The following PCDHA9 variants were observed in gnomAD, a reference collection of about 807,000 sequenced individuals.
The protein encoded by PCDHA9 is protocadherin alpha 9, also known as protocadherin alpha-9.
In PCDHA9, 62 loss-of-function variants were observed where a neutral mutation model predicts 62.0. The observed-to-expected ratio is 1.00, with a 90% CI of 0.81 to 1.23. The LOEUF (loss-of-function observed/expected upper bound fraction) is 1.23. Ranked by LOEUF, PCDHA9 falls within the 50% of genes most tolerant of loss-of-function variation. The pLI, the probability that PCDHA9 is intolerant of heterozygous loss-of-function variation, is 0.00. For synonymous variants in PCDHA9, 557 were observed against 567.6 expected, an observed-to-expected ratio of 0.98 and a Z score of 0.27; for missense variants, 1,205 against 1,249.8, an observed-to-expected ratio of 0.96 and a Z score of 0.54.
intron 1 of PCDHA9, chr5:140,882,906 C>G: frequency 6.2e-7 from 1 of 1,614,200 alleles, no homozygotes; most frequent in Non-Finnish European, 8.5e-7. Context: ...TTATTACTGA[C>G]AGCCAGTGAT....
chr5:140,885,041 T>C (rs2060440056), intron 1 of PCDHA9, among the ~76,000 whole-genome samples: 1 of 152,250 alleles, frequency 6.6e-6, no homozygotes, highest in Non-Finnish European at 1.5e-5. Flanking sequence ...ATTTTTAGTT[T>C]AATGTATACA....
At chr5:140,857,263 A>C (rs367883816) in intron 1 of PCDHA9, 1 of 1,598,420 alleles carries the variant, frequency 6.3e-7, no homozygotes, top group East Asian at 2.2e-5. Context: ...ATTACTACTC[A>C]TTGGTGCTGG....
At chr5:140,856,902 C>A in intron 1 of PCDHA9, 1 of 1,596,268 alleles carries the variant, frequency 6.3e-7, no homozygotes, top group Non-Finnish European at 8.6e-7. Flanking sequence ...TCTTTGGTCC[C>A]ACCCACGATA....
intron 1 of PCDHA9, among the ~76,000 whole-genome samples, chr5:140,925,907 C>T (rs937426015): frequency 6.6e-6 from 1 of 151,848 alleles, no homozygotes; most frequent in African/African-American, 2.4e-5. Flanking sequence ...TCGTCAAGGG[C>T]CGTTTGCAAA....
chr5:140,981,264 C>T (rs2096925155), intron 2 of PCDHA9, among the ~76,000 whole-genome samples: 1 of 152,128 alleles, frequency 6.6e-6, no homozygotes, highest in Non-Finnish European at 1.5e-5. Flanking sequence ...TCAAGATAAG[C>T]AAATGTCTAG....
At chr5:140,955,469 T>C (rs1324804121) in intron 1 of PCDHA9, among the ~76,000 whole-genome samples, 11 of 152,208 alleles carry the variant, frequency 7.2e-5, no homozygotes, top group Middle Eastern at 3.4e-3. Flanking sequence ...CCTTTTTGCT[T>C]GGCACCTCTC....
chr5:140,852,752 C>T (rs2042460960), intron 1 of PCDHA9: 1 of 983,598 alleles, frequency 1.0e-6, no homozygotes, highest in Non-Finnish European at 1.2e-6. Context: ...TAAACTTGGA[C>T]CCAGGTATCT....
rs146090059 is a variant in PCDHA9 at position 140,857,944 on chromosome 5, G to A, written c.2394+7055G>A. 6.4e-5 allele frequency: 102 copies of A among 1,597,474 alleles called. 12 individuals are homozygous for A. The highest frequency in any genetic ancestry group is 5.1e-4 in the Admixed American group (30 of 59,248). ...GGCTGTACACGGGCGAGATCAGTAC[G>A]ACGCGCGCTCTGGATGAGACTGACT... On this transcript the variant is annotated intron_variant, in intron 1 of 3. Coordinates refer to ENST00000532602, the MANE Select transcript of PCDHA9 (RefSeq NM_031857.2).
In PCDHA9 at chr5:140,995,657, A is replaced by C. The variant is rs188298109; in HGVS notation, c.2542+13094A>C. Among the ~76,000 whole-genome samples, 56 of 152,328 alleles carry C rather than the reference A, an allele frequency of 3.7e-4. No homozygotes were observed. The East Asian group carries it at 7.7e-3, about 21-fold the overall frequency. Reference sequence around the variant, plus strand: ...AGTGTTTAGAAAAGGAGAATCGAAAAGGGAAGTAAATGCAGCATTTTTTTT... The same window carrying C: ...AGTGTTTAGAAAAGGAGAATCGAAACGGGAAGTAAATGCAGCATTTTTTTT... On this transcript the variant is annotated intron_variant, in intron 3 of 3. Coordinates refer to ENST00000532602, the MANE Select transcript of PCDHA9 (RefSeq NM_031857.2).
intron 1 of PCDHA9, chr5:140,867,406 C>G (rs1394985393): frequency 6.6e-6 from 1 of 151,958 alleles, no homozygotes; most frequent in East Asian, 1.9e-4. Context: ...GATATGTCTC[C>G]TTTAATTTTT....
intron 1 of PCDHA9, chr5:140,882,780 G>T: frequency 1.2e-6 from 2 of 1,614,160 alleles, no homozygotes; most frequent in Non-Finnish European, 1.7e-6. Context: ...TTGACCTACC[G>T]ACTGGATCCC....
chr5:140,853,510 A>T, intron 1 of PCDHA9: 1 of 977,306 alleles, frequency 1.0e-6, no homozygotes, highest in Non-Finnish European at 1.2e-6. Context: ...TGAAACAATA[A>T]TGAAGCTCCT....
intron 1 of PCDHA9, among the ~76,000 whole-genome samples, chr5:140,958,935 G>A (rs1439446773): frequency 9.3e-6 from 1 of 107,572 alleles, no homozygotes; most frequent in African/African-American, 4.3e-5. Flanking sequence ...GCTCATACTT[G>A]TAATAATATT....
rs193096250 is a variant in PCDHA9 at position 140,998,611 on chromosome 5, C to A, written c.2543-11016C>A. Among the ~76,000 whole-genome samples, 28 of 151,482 alleles carry A rather than the reference C, an allele frequency of 1.8e-4. No individual in the cohort carries two copies. The East Asian group carries it at 5.2e-3, about 28-fold the overall frequency. ...CAGAGTTTTGCTCTTGTTGCCCAGG[C>A]TGGAGTGCAATGGCACAATCTCAGC... On this transcript the variant is annotated intron_variant, in intron 3 of 3. Transcript: ENST00000532602.
chr5:140,892,144 G>T (rs549500463), intron 1 of PCDHA9, among the ~76,000 whole-genome samples: 1 of 152,102 alleles, frequency 6.6e-6, no homozygotes, highest in Non-Finnish European at 1.5e-5. Context: ...TGGTTTTAGC[G>T]TCTATTTCTG....
intron 1 of PCDHA9, among the ~76,000 whole-genome samples, chr5:140,902,906 G>T (rs1047423029): frequency 9.2e-5 from 14 of 152,162 alleles, no homozygotes; most frequent in Admixed American, 3.3e-4. Context: ...TTAGTTTATG[G>T]CTGAGTAGTA....
At chr5:140,927,248 A>G in intron 1 of PCDHA9, 1 of 1,614,064 alleles carries the variant, frequency 6.2e-7, no homozygotes. Flanking sequence ...GACACCAATG[A>G]CAACTCACCT....
chr5:140,976,449 G>T (rs1554237649), intron 1 of PCDHA9, among the ~76,000 whole-genome samples: 1 of 152,136 alleles, frequency 6.6e-6, no homozygotes, highest in Non-Finnish European at 1.5e-5. Flanking sequence ...TACTAGGGAG[G>T]CTGGGGAAGA....
intron 1 of PCDHA9, chr5:140,871,653 C>G (rs2053243834): frequency 3.2e-6 from 4 of 1,244,250 alleles, no homozygotes; most frequent in Non-Finnish European, 4.4e-6. Flanking sequence ...CCAAATGATA[C>G]ACATCTTCAG....
Sources: gnomAD v4.1 joint callset for allele counts (sites outside exome capture counted in the v4.1 genomes callset) on GRCh38, gnomAD v4.1.1 for gene constraint, MANE v1.5 for transcripts, NCBI Gene and HGNC (gene_info 2026-07-23, HGNC 2026-07-21) for gene names.